PDZRN4: variants seen among roughly 807,000 people sequenced by gnomAD.
PDZRN4 encodes PDZ domain containing ring finger 4, also known as PDZ domain-containing RING finger protein 4.
In PDZRN4, 70 loss-of-function variants were observed where a neutral mutation model predicts 99.0. The ratio of observed to expected loss-of-function variants is 0.71; its 90% CI spans 0.58 to 0.86. The LOEUF is 0.86. Among genes scored for constraint, PDZRN4 ranks in the 40% least tolerant of loss-of-function variants. The probability of loss-of-function intolerance (pLI) is 0.00; values close to 1 mark genes in which losing one functional copy is unlikely to be tolerated. For missense variants in PDZRN4, 1,474 were observed against 1,331.2 expected (o/e 1.11, Z -1.67); for synonymous variants, 551 against 501.6 (o/e 1.10, Z -1.32).
rs1320932979 is a variant in PDZRN4 at position 41,468,500 on chromosome 12, C to A, written c.844-37956C>A. On this transcript the variant is annotated intron_variant, in intron 3 of 9. Transcript: ENST00000402685. ...ACTGTAGTTTAACCAAAAGGGAAACCACCAGAAAGCCTGAAATGTCAATTT... is the reference window on the plus strand; with the variant it reads ...ACTGTAGTTTAACCAAAAGGGAAACAACCAGAAAGCCTGAAATGTCAATTT... Among the ~76,000 whole-genome samples the A allele has an allele frequency of 3.3e-5, 5 of 152,060 alleles. No homozygotes were observed. In the East Asian group the frequency reaches 9.7e-4, roughly 29 times the overall value.
chr12:41,209,340 T>A (rs995263992), intron 3 of PDZRN4, among the ~76,000 whole-genome samples: 1 of 15,208 alleles, frequency 6.6e-5, no homozygotes, highest in African/African-American at 3.5e-4. Context: ...CTTTTTATTT[T>A]TTTATTTATT....
chr12:41,374,732 C>A (rs1286623134), intron 3 of PDZRN4, among the ~76,000 whole-genome samples: 1 of 152,106 alleles, frequency 6.6e-6, no homozygotes, highest in African/African-American at 2.4e-5. Context: ...GGAGAAAGAT[C>A]TGGCCTGAAA....
At chr12:41,443,914 T>C (rs573936252) in intron 3 of PDZRN4, among the ~76,000 whole-genome samples, 2 of 151,948 alleles carry the variant, frequency 1.3e-5, no homozygotes, top group Non-Finnish European at 2.9e-5. Context: ...TTGGATGAGA[T>C]CACCCAGGCA....
chr12:41,227,730 G>A (rs930337056), intron 3 of PDZRN4, among the ~76,000 whole-genome samples: 18 of 152,000 alleles, frequency 1.2e-4, no homozygotes, highest in Admixed American at 6.6e-5. Flanking sequence ...GTGTGACCAT[G>A]TGCATATGAG....
intron 3 of PDZRN4, among the ~76,000 whole-genome samples, chr12:41,209,095 G>A (rs541401715): frequency 3.5e-4 from 53 of 151,850 alleles, no homozygotes; most frequent in Non-Finnish European, 6.0e-4. Flanking sequence ...TCAAGACTTT[G>A]TAAGATAATT....
chr12:41,483,080 A>C (rs1352042369), intron 3 of PDZRN4, among the ~76,000 whole-genome samples: 1 of 151,974 alleles, frequency 6.6e-6, no homozygotes, highest in Non-Finnish European at 1.5e-5. Context: ...ATTTTTCAGG[A>C]GACATAATTT....
At chr12:41,347,939 G>C (rs561634573) in intron 3 of PDZRN4, among the ~76,000 whole-genome samples, 1 of 152,002 alleles carries the variant, frequency 6.6e-6, no homozygotes, top group Non-Finnish European at 1.5e-5. Context: ...AACATGATGC[G>C]AAATTTGCCC....
chr12:41,533,583 T>C (rs1400698183), intron 5 of PDZRN4, among the ~76,000 whole-genome samples: 1 of 152,254 alleles, frequency 6.6e-6, no homozygotes, highest in Non-Finnish European at 1.5e-5. Flanking sequence ...TCTAAGTATT[T>C]TGTGGCGTAT....
chr12:41,226,789 C>T (rs769851558), intron 3 of PDZRN4, among the ~76,000 whole-genome samples: 6 of 152,014 alleles, frequency 3.9e-5, no homozygotes, highest in Non-Finnish European at 5.9e-5. Context: ...ACTGTTAAGC[C>T]CTAAAGAAAA....
intron 3 of PDZRN4, among the ~76,000 whole-genome samples, chr12:41,453,754 G>A (rs113051368): frequency 2.0e-5 from 3 of 151,972 alleles, no homozygotes; most frequent in African/African-American, 7.2e-5. Context: ...TGTGCCCTTC[G>A]ATTGATTATT....
chr12:41,247,796 G>A (rs1274937900), intron 3 of PDZRN4, among the ~76,000 whole-genome samples: 1 of 152,074 alleles, frequency 6.6e-6, no homozygotes, highest in East Asian at 1.9e-4. Context: ...TGTGCTTAGG[G>A]TAGCCAGTTT....
chr12:41,542,746 G>T (rs1041692621), intron 5 of PDZRN4, among the ~76,000 whole-genome samples: 1 of 152,122 alleles, frequency 6.6e-6, no homozygotes, highest in Admixed American at 6.5e-5. Flanking sequence ...ATTTAGAAAA[G>T]ATAGAAGGCA....
intron 3 of PDZRN4, among the ~76,000 whole-genome samples, chr12:41,358,320 G>T (rs1951941992): frequency 6.6e-6 from 1 of 151,876 alleles, no homozygotes; most frequent in African/African-American, 2.4e-5. Context: ...TATTTCCTCA[G>T]CATAGAAAGA....
chr12:41,434,794 G>C (rs1284129142), intron 3 of PDZRN4, among the ~76,000 whole-genome samples: 2 of 152,130 alleles, frequency 1.3e-5, no homozygotes, highest in Non-Finnish European at 1.5e-5. Flanking sequence ...TGGAAAGATA[G>C]TTCTTCATTC....
chr12:41,270,143 A>G (rs1010953641), intron 3 of PDZRN4, among the ~76,000 whole-genome samples: 1 of 150,996 alleles, frequency 6.6e-6, no homozygotes, highest in Non-Finnish European at 1.5e-5. Flanking sequence ...TTTCTAAAGC[A>G]GTGATAATTA....
At chr12:41,369,966 A>T (rs1952028996) in intron 3 of PDZRN4, among the ~76,000 whole-genome samples, 1 of 151,930 alleles carries the variant, frequency 6.6e-6, no homozygotes, top group African/African-American at 2.4e-5. Context: ...AAACTTTTGT[A>T]TGCATACTTG....
At chr12:41,385,158 G>T (rs577709784) in intron 3 of PDZRN4, among the ~76,000 whole-genome samples, 3 of 152,292 alleles carry the variant, frequency 2.0e-5, no homozygotes, top group South Asian at 4.1e-4. Context: ...CTGTATAGTA[G>T]AATATGATAA....
At position 41,434,046 on chromosome 12, in the gene PDZRN4, A is replaced by G. The variant is rs1032981743; in HGVS notation, c.844-72410A>G. Among the ~76,000 whole-genome samples the G allele has an allele frequency of 2.0e-5, 3 of 152,088 alleles. No individual in the cohort carries two copies. The East Asian group carries it at 5.8e-4, about 29-fold the overall frequency. ...CACCATCCTGACTTTTTTGGTAATC[A>G]TTTTCCTACTTTTATTTAGAATTTT... On this transcript the variant is annotated intron_variant, in intron 3 of 9. Coordinates refer to ENST00000402685, the MANE Select transcript of PDZRN4 (RefSeq NM_001164595.2).
chr12:41,286,336 C>CTTTTTTTTTTT (rs71081721), intron 3 of PDZRN4, among the ~76,000 whole-genome samples: 16 of 106,276 alleles, frequency 1.5e-4, no homozygotes, highest in African/African-American at 2.6e-4. Flanking sequence ...CCTTCTTCTT[C>CTTTTTTTTTTT]TTTTTTTTTT....
Sources: allele counts gnomAD v4.1 joint callset (sites outside exome capture counted in the v4.1 genomes callset), GRCh38; gene constraint gnomAD v4.1.1; transcripts MANE v1.5; gene names NCBI Gene and HGNC (gene_info 2026-07-23, HGNC 2026-07-21).